Variants in CASZ1 observed in about 807,000 individuals in gnomAD.
CASZ1 encodes the protein zinc finger protein castor homolog 1.
A neutral mutation model predicts 135.2 loss-of-function variants in CASZ1; 28 were observed. The observed-to-expected ratio is 0.21, with a 90% confidence interval of 0.15 to 0.28. CASZ1 has a LOEUF of 0.28. CASZ1 is among the 10% of genes least tolerant of loss of function. The probability of loss-of-function intolerance (pLI) is 1.00; values close to 1 mark genes in which losing one functional copy is unlikely to be tolerated. For missense variants in CASZ1, 2,161 were observed against 2,453.3 expected (o/e 0.88, Z 2.52); for synonymous variants, 1,068 against 1,073.4 (o/e 0.99, Z 0.10).
Position 10,637,957 on chromosome 1 carries a change from C to G in CASZ1, c.*985G>C, listed in dbSNP as rs953698338. 1 of 152,336 alleles carries G rather than the reference C, an allele frequency of 6.6e-6. No homozygotes were observed. The highest frequency in any genetic ancestry group is 2.4e-5 in the African/African-American group (1 of 41,420). The allele number at this position is 152,336 out of a possible 1,614,324, so 9.4% of individuals were successfully genotyped here. A position where few individuals can be genotyped will look rare whatever the true frequency, so the allele number is the denominator to read the frequency against. On this transcript the variant is annotated 3_prime_UTR_variant, in exon 21 of 21. Transcript: ENST00000377022. The stretch of plus-strand genomic sequence containing the variant: ...AAATTCAAGTTAAGAGTTGGAATCA[C>G]GCAGCTCCCATCAGTGCTATTGTGA...
At chr1:10,779,517 C>T (rs577193817) in intron 1 of CASZ1, among the ~76,000 whole-genome samples, 32 of 152,200 alleles carry the variant, frequency 2.1e-4, no homozygotes, top group African/African-American at 5.3e-4. Context: ...GGCTCCCTGC[C>T]GGGCCGACAC....
In CASZ1 at chr1:10,727,230, C is replaced by T. The variant is rs143307412; in HGVS notation, c.-76-21686G>A. Among the ~76,000 whole-genome samples the T allele has an allele frequency of 6.6e-6, 1 of 152,164 alleles. No individual in the cohort carries two copies. The highest frequency in any genetic ancestry group is 1.5e-5 in the Non-Finnish European group (1 of 67,980). ...CCCAGGCCTGTGGGAAGCTGGGAGACCAGGGCGTCTTGCAGGCAGGGGCTG... is the reference window on the plus strand; with the variant it reads ...CCCAGGCCTGTGGGAAGCTGGGAGATCAGGGCGTCTTGCAGGCAGGGGCTG... On this transcript the variant is annotated intron_variant, in intron 2 of 20. Coordinates refer to ENST00000377022, the MANE Select transcript of CASZ1 (RefSeq NM_001079843.3). The surrounding 1 kb of genome is among the most constrained non-coding windows in gnomAD (Gnocchi z 5.3).
intron 1 of CASZ1, among the ~76,000 whole-genome samples, chr1:10,770,960 A>T (rs938011462): frequency 1.1e-4 from 17 of 152,162 alleles, no homozygotes; most frequent in Admixed American, 3.9e-4. Context: ...GCAAGGAGAG[A>T]CGTGCTTTTC....
chr1:10,745,753 T>C (rs1640027497), intron 2 of CASZ1, among the ~76,000 whole-genome samples: 2 of 152,216 alleles, frequency 1.3e-5, no homozygotes, highest in African/African-American at 4.8e-5. Flanking sequence ...AGCCACTCAT[T>C]ATCTCTGGCC....
chr1:10,698,520 C>CA (rs1280144833), intron 3 of CASZ1, among the ~76,000 whole-genome samples: 1 of 151,386 alleles, frequency 6.6e-6, no homozygotes, highest in African/African-American at 2.4e-5. Flanking sequence ...AAATTGAAAC[C>CA]AAAAAAATTG....
rs927114756 is a variant in CASZ1, at chr1:10,660,747, T to A, written c.506-211A>T. 3.9e-5 allele frequency: 22 copies of A among 560,870 alleles called. No individual in the cohort carries two copies. The African/African-American group carries it at 3.9e-4, about 10-fold the overall frequency. 34.7% of individuals were successfully genotyped at this position (560,870 alleles called of 1,614,324 possible). A position where few individuals can be genotyped will look rare whatever the true frequency, so the allele number is the denominator to read the frequency against. ...AAAAGTAATTAATACTGGGGTAAAA[T>A]AAAACGAGTTCATCAATGCCAGGAA... On this transcript the variant is annotated intron_variant, in intron 5 of 20. Transcript: ENST00000377022.
rs1444270755 is a variant in CASZ1, at chr1:10,741,456, G to C, written c.-77+19245C>G. On this transcript the variant is annotated intron_variant, in intron 2 of 20. Transcript: ENST00000377022. The surrounding 1 kb of genome is among the most constrained non-coding windows in gnomAD (Gnocchi z 5.0). ...CACTGGCCCAGGCTGAGGGTGCTCAGCGCACACAGCTCTCCAGTAAAGATG... is the reference window on the plus strand; with the variant it reads ...CACTGGCCCAGGCTGAGGGTGCTCACCGCACACAGCTCTCCAGTAAAGATG... 2.0e-5 allele frequency among the ~76,000 whole-genome samples: 3 copies of C among 152,156 alleles called. No homozygotes were observed. Among genetic ancestry groups the C allele is most frequent in the Non-Finnish European group, 4.4e-5 (3 of 68,030 alleles).
rs1639869891 is a variant in CASZ1 at position 10,739,382 on chromosome 1, G to T, written c.-77+21319C>A. On this transcript the variant is annotated intron_variant, in intron 2 of 20. Coordinates refer to ENST00000377022, the MANE Select transcript of CASZ1 (RefSeq NM_001079843.3). The surrounding 1 kb of genome is among the most constrained non-coding windows in gnomAD (Gnocchi z 4.8). Reference sequence around the variant, plus strand: ...GGGGCCCGGGCCCAGGGTGGCCACGGTGAGGAGGAGGAGGACCACATGCGC... The same window carrying T: ...GGGGCCCGGGCCCAGGGTGGCCACGTTGAGGAGGAGGAGGACCACATGCGC... 1.3e-5 allele frequency among the ~76,000 whole-genome samples: 2 copies of T among 151,974 alleles called. No individual in the cohort carries two copies. The highest frequency in any genetic ancestry group is 4.8e-5 in the African/African-American group (2 of 41,378).
chr1:10,669,291 G>A (rs1303438057), intron 4 of CASZ1, among the ~76,000 whole-genome samples: 1 of 152,214 alleles, frequency 6.6e-6, no homozygotes, highest in Non-Finnish European at 1.5e-5. Flanking sequence ...CCGGCCCTAG[G>A]AAATCCCAGG....
chr1:10,675,607 G>A (rs905580554), intron 4 of CASZ1, among the ~76,000 whole-genome samples: 3 of 152,124 alleles, frequency 2.0e-5, no homozygotes, highest in Non-Finnish European at 2.9e-5. Flanking sequence ...CCGACACTGC[G>A]GGCATTAGGA....
chr1:10,643,146 G>A lies in CASZ1; in HGVS notation c.4020+14C>T. On this transcript the variant is annotated intron_variant, in intron 19 of 20. Coordinates refer to ENST00000377022, the MANE Select transcript of CASZ1 (RefSeq NM_001079843.3). ...GCCACCCTGGCTGGGCTCTCACCTG[G>A]GGGGGGCTCTCACCTGGGAGGGGGG... 2 of 1,609,464 alleles carry A rather than the reference G, an allele frequency of 1.2e-6. No homozygotes were observed. The highest frequency in any genetic ancestry group is 1.7e-6 in the Non-Finnish European group (2 of 1,178,796).
chr1:10,680,281 GGGA>G (rs1557500127), intron 4 of CASZ1, among the ~76,000 whole-genome samples: 3 of 145,444 alleles, frequency 2.1e-5, no homozygotes, highest in Non-Finnish European at 3.0e-5. Flanking sequence ...GGGGCGGCGG[GGGA>G]TGGTGGAGGG....
chr1:10,646,384 G>A lies in CASZ1; in HGVS notation c.3498-58C>T, dbSNP rs751343659. The A allele has an allele frequency of 3.3e-5, 51 of 1,547,092 alleles. No homozygotes were observed. The highest frequency in any genetic ancestry group is 4.3e-5 in the Non-Finnish European group (48 of 1,127,006). ...CCATTCTCAAGCCCTCCCTGCTGGTGTCCTGACTTCACTTGTGTTGGAGTT... is the reference window on the plus strand; with the variant it reads ...CCATTCTCAAGCCCTCCCTGCTGGTATCCTGACTTCACTTGTGTTGGAGTT... On this transcript the variant is annotated intron_variant, in intron 16 of 20. Transcript: ENST00000377022. This position sits in a 1 kb window ranked among gnomAD's most constrained non-coding sequence, Gnocchi z 6.4.
intron 1 of CASZ1, among the ~76,000 whole-genome samples, chr1:10,793,730 GC>G (rs200675782): frequency 0.013 from 2,018 of 150,610 alleles, 57 homozygotes; most frequent in African/African-American, 0.046. Flanking sequence ...TGGCGGGGGG[GC>G]GGGGCGGCGA....
intron 5 of CASZ1, among the ~76,000 whole-genome samples, chr1:10,662,883 G>A (rs2100278283): frequency 6.6e-6 from 1 of 152,266 alleles, no homozygotes; most frequent in East Asian, 1.9e-4. Context: ...GGAGAAGGCG[G>A]TCAGTCCCAG....
At chr1:10,710,920 C>T (rs1186856092) in intron 2 of CASZ1, among the ~76,000 whole-genome samples, 1 of 152,244 alleles carries the variant, frequency 6.6e-6, no homozygotes, top group Non-Finnish European at 1.5e-5. Context: ...CACCTGAGGT[C>T]AGGAGTTTGA....
At position 10,657,794 on chromosome 1, in the gene CASZ1, G is replaced by A. The variant is rs906189642; in HGVS notation, c.1409+714C>T. On this transcript the variant is annotated intron_variant, in intron 7 of 20. Coordinates refer to ENST00000377022, the MANE Select transcript of CASZ1 (RefSeq NM_001079843.3). This position sits in a 1 kb window ranked among gnomAD's most constrained non-coding sequence, Gnocchi z 5.7. ...GCTGCCCCATCAGAGGGCAGGCGGT[G>A]GGGGGGTGGGGGCGGGGGGTGTTAT... Among the ~76,000 whole-genome samples the A allele has an allele frequency of 1.3e-5, 2 of 150,878 alleles. No individual in the cohort carries two copies. The highest frequency in any genetic ancestry group is 4.2e-4 in the South Asian group (2 of 4,708).
At position 10,665,555 on chromosome 1, in the gene CASZ1, G is replaced by A; in HGVS notation, c.33C>T (p.Cys11=). The change falls in exon 5 of 21, where the codon TGC becomes TGT. Residue 11 remains cysteine, a synonymous_variant. Coordinates refer to ENST00000377022, the MANE Select transcript of CASZ1 (RefSeq NM_001079843.3). ...CGGGCTTGCCTGCAGGCGGGTCCGTGCACCGGGTGCCCTCAGCTGCAGGGA... is the reference window on the plus strand; with the variant it reads ...CGGGCTTGCCTGCAGGCGGGTCCGTACACCGGGTGCCCTCAGCTGCAGGGA... The part of the protein sequence containing the change: MDLGTAEGTR[C]TDPPAGKPAM... 1 of 1,564,430 alleles carries A rather than the reference G, an allele frequency of 6.4e-7. No individual in the cohort carries two copies. The highest frequency in any genetic ancestry group is 1.2e-5 in the South Asian group (1 of 86,264).
chr1:10,656,390 G>A (rs918432678), intron 8 of CASZ1, among the ~76,000 whole-genome samples: 8 of 152,234 alleles, frequency 5.3e-5, no homozygotes, highest in African/African-American at 1.9e-4. Context: ...GCACGTGGGA[G>A]GCTCTCAGTC....
Sources: allele counts gnomAD v4.1 joint callset (sites outside exome capture counted in the v4.1 genomes callset), GRCh38; gene constraint gnomAD v4.1.1; non-coding constraint Gnocchi (gnomAD v3.1); transcripts MANE v1.5; gene names NCBI Gene and HGNC (gene_info 2026-07-23, HGNC 2026-07-21).